The following PSMA1 variants were observed in gnomAD, a reference collection of about 807,000 sequenced individuals.
The protein encoded by PSMA1 is proteasome subunit alpha type-1.
PSMA1 carries 3 observed loss-of-function variants against 38.4 expected under a neutral mutation model. The ratio of observed to expected loss-of-function variants is 0.08; its 90% CI spans 0.04 to 0.20. The LOEUF (loss-of-function observed/expected upper bound fraction) is 0.20, where lower values mean the gene tolerates loss of function less well. Among genes scored for constraint, PSMA1 ranks in the 10% least tolerant of loss-of-function variants. The pLI, the probability that PSMA1 is intolerant of heterozygous loss-of-function variation, is 1.00. For synonymous variants in PSMA1, 101 were observed against 107.1 expected, an observed-to-expected ratio of 0.94 and a Z score of 0.35; for missense variants, 227 against 325.3, an observed-to-expected ratio of 0.70 and a Z score of 2.32.
At chr11:14,569,663 G>T (rs1440962229) in intron 2 of PSMA1, among the ~76,000 whole-genome samples, 1 of 152,214 alleles carries the variant, frequency 6.6e-6, no homozygotes, top group Non-Finnish European at 1.5e-5. Flanking sequence ...GCTGGAGGAG[G>T]TGCGTCTGCC....
chr11:14,578,952 T>C (rs773926198), intron 2 of PSMA1, among the ~76,000 whole-genome samples: 3 of 152,184 alleles, frequency 2.0e-5, no homozygotes, highest in African/African-American at 4.8e-5. Context: ...TTTTATTTTA[T>C]CTCATTGAAT....
rs759228621 is a variant in PSMA1, at chr11:14,505,230, C to T, written c.754G>A (p.Glu252Lys). ...RKAQPAQPADEPAEKADEPME... is the reference protein window; with the variant it reads ...RKAQPAQPADKPAEKADEPME... Reference sequence around the variant, plus strand: ...GGTTCATCAGCCTTTTCTGCAGGTTCATCAGCAGGTTGAGCAGGCTTAACA... The same window carrying T: ...GGTTCATCAGCCTTTTCTGCAGGTTTATCAGCAGGTTGAGCAGGCTTAACA... The change falls in exon 10 of 10, where the codon GAA (glutamate) becomes AAA (lysine). Residue 252 changes from glutamate to lysine, a missense_variant. Physicochemically the swap from Glu to Lys is moderately conservative, Grantham distance 56 (BLOSUM62 1). Coordinates refer to ENST00000396394, the MANE Select transcript of PSMA1 (RefSeq NM_002786.4). 8.7e-6 allele frequency: 14 copies of T among 1,613,706 alleles called. No homozygotes were observed. The South Asian group carries it at 1.4e-4, about 16-fold the overall frequency.
At position 14,534,318 on chromosome 11, in the gene PSMA1, C is replaced by T. The variant is rs118181636; in HGVS notation, c.22-15277G>A. On this transcript the variant is annotated intron_variant, in intron 2 of 10. Transcript: ENST00000418988. This position sits in a 1 kb window ranked among gnomAD's most constrained non-coding sequence, Gnocchi z 4.5. ...GCTTTTCTATGTAAACATTAAACCACGAACATTTCTTCATGTCACATGCTT... is the reference window on the plus strand; with the variant it reads ...GCTTTTCTATGTAAACATTAAACCATGAACATTTCTTCATGTCACATGCTT... Among the ~76,000 whole-genome samples the T allele has an allele frequency of 2.0e-4, 31 of 152,236 alleles. No individual in the cohort carries two copies. The highest frequency in any genetic ancestry group is 2.9e-4 in the Non-Finnish European group (20 of 68,024).
At chr11:14,521,869 C>T (rs921769561), upstream of PSMA1, among the ~76,000 whole-genome samples, 7 of 151,698 alleles carry the variant, frequency 4.6e-5, no homozygotes, top group African/African-American at 1.7e-4. Context: ...TCTAATTCAT[C>T]AACACTGGTT....
intron 2 of PSMA1, among the ~76,000 whole-genome samples, chr11:14,599,564 CTCG>C (rs1852552831): frequency 6.6e-6 from 1 of 152,186 alleles, no homozygotes; most frequent in Non-Finnish European, 1.5e-5. Context: ...TCACGAAGTT[CTCG>C]TACCATGGTT....
At chr11:14,582,289 T>A (rs889924080) in intron 2 of PSMA1, among the ~76,000 whole-genome samples, 1 of 152,142 alleles carries the variant, frequency 6.6e-6, no homozygotes, top group Non-Finnish European at 1.5e-5. Flanking sequence ...TTTAGACAAT[T>A]TACCAGAAAT....
chr11:14,632,499 C>T (rs1853034683), intron 1 of PSMA1, among the ~76,000 whole-genome samples: 1 of 147,002 alleles, frequency 6.8e-6, no homozygotes, highest in Non-Finnish European at 1.5e-5. Flanking sequence ...TTGGCCCCCA[C>T]TCTCTTCTGG....
At position 14,594,614 on chromosome 11, in the gene PSMA1, T is replaced by C. The variant is rs929918529; in HGVS notation, c.21+16352A>G. 1.2e-3 allele frequency among the ~76,000 whole-genome samples: 177 copies of C among 152,322 alleles called. 2 individuals carry two copies. The highest frequency in any genetic ancestry group is 6.2e-4 in the Non-Finnish European group (42 of 68,022). On this transcript the variant is annotated intron_variant, in intron 2 of 10. Transcript: ENST00000418988. ...CTTTCCTTGTGTTTTAAATAAGAGA[T>C]TTACCACATATATTGACCATAATAC... is the stretch of plus-strand genomic sequence containing the variant.
At chr11:14,607,820 C>T (rs1852661691) in intron 2 of PSMA1, among the ~76,000 whole-genome samples, 1 of 152,158 alleles carries the variant, frequency 6.6e-6, no homozygotes, top group South Asian at 2.1e-4. Context: ...TGGAAGAGTT[C>T]TATTTCACTG....
At chr11:14,520,392 T>C (rs1416223460), upstream of PSMA1, 2 of 1,613,694 alleles carry the variant, frequency 1.2e-6, no homozygotes, top group East Asian at 4.5e-5. Context: ...CAGAGAAGTC[T>C]GCGGGAGTTT....
intron 2 of PSMA1, among the ~76,000 whole-genome samples, chr11:14,545,526 T>C (rs1851816699): frequency 2.0e-5 from 3 of 152,198 alleles, no homozygotes; most frequent in Admixed American, 2.0e-4. Context: ...TGTGTTCTCA[T>C]TGTTCAGTTC....
intron 2 of PSMA1, among the ~76,000 whole-genome samples, chr11:14,554,513 GTTCA>G (rs1211862183): frequency 6.6e-6 from 1 of 152,102 alleles, no homozygotes; most frequent in African/African-American, 2.4e-5. Flanking sequence ...TTAGGTTGAA[GTTCA>G]TTATTTTGCC....
chr11:14,532,134 C>G (rs529250107), intron 2 of PSMA1, among the ~76,000 whole-genome samples: 1 of 151,492 alleles, frequency 6.6e-6, no homozygotes, highest in East Asian at 1.9e-4. Flanking sequence ...AAAAAATCCT[C>G]ATCTTTTTTT....
chr11:14,549,533 C>G (rs749983012), intron 2 of PSMA1, among the ~76,000 whole-genome samples: 1 of 152,028 alleles, frequency 6.6e-6, no homozygotes, highest in Non-Finnish European at 1.5e-5. Context: ...AACCCTGTCT[C>G]TACTAAAAAT....
In PSMA1 at chr11:14,534,946, C is replaced by T. The variant is rs918245173; in HGVS notation, c.22-15905G>A. Among the ~76,000 whole-genome samples, 1 of 151,978 alleles carries T rather than the reference C, an allele frequency of 6.6e-6. No individual in the cohort carries two copies. Among genetic ancestry groups the T allele is most frequent in the African/African-American group, 2.4e-5 (1 of 41,362 alleles). ...CAAAATTAGCGGGCATGGTGGCAGA[C>T]GCCTGTAATCCCAGCTACTCGGGAG... On this transcript the variant is annotated intron_variant, in intron 2 of 10. Transcript: ENST00000418988. This position sits in a 1 kb window ranked among gnomAD's most constrained non-coding sequence, Gnocchi z 4.5.
chr11:14,531,246 A>C (rs1240608263), intron 2 of PSMA1, among the ~76,000 whole-genome samples: 1 of 152,150 alleles, frequency 6.6e-6, no homozygotes, highest in East Asian at 1.9e-4. Flanking sequence ...CATCATGCAC[A>C]TAGTGAGCAT....
chr11:14,572,028 C>A (rs891047175), intron 2 of PSMA1, among the ~76,000 whole-genome samples: 11 of 152,138 alleles, frequency 7.2e-5, no homozygotes, highest in African/African-American at 1.9e-4. Context: ...TCCTTAGAGA[C>A]CTACAAAGAG....
At chr11:14,597,763 A>C (rs1034056101) in intron 2 of PSMA1, among the ~76,000 whole-genome samples, 1 of 151,318 alleles carries the variant, frequency 6.6e-6, no homozygotes, top group Non-Finnish European at 1.5e-5. Context: ...TTCTGCTCTG[A>C]TCTTAGTTAT....
chr11:14,564,565 G>A (rs1253004666), intron 2 of PSMA1, among the ~76,000 whole-genome samples: 17 of 152,126 alleles, frequency 1.1e-4, no homozygotes, highest in Admixed American at 1.1e-3. Context: ...GCCCAGGGGT[G>A]CAATTGCTGG....
Sources: gnomAD v4.1 joint callset for allele counts (sites outside exome capture counted in the v4.1 genomes callset) on GRCh38, gnomAD v4.1.1 for gene constraint, Gnocchi (gnomAD v3.1) non-coding constraint, MANE v1.5 for transcripts, NCBI Gene and HGNC (gene_info 2026-07-23, HGNC 2026-07-21) for gene names.